The following RGS6 variants were observed in gnomAD, a reference collection of about 807,000 sequenced individuals.
The protein encoded by RGS6 is regulator of G-protein signaling 6.
Under a neutral mutation model 78.5 loss-of-function variants are expected in RGS6, and 30 were observed. The ratio of observed to expected loss-of-function variants is 0.38; its 90% CI spans 0.29 to 0.52. The LOEUF is 0.52. Among genes scored for constraint, RGS6 ranks in the 20% least tolerant of loss-of-function variants. RGS6 has a pLI of 0.85. For synonymous variants in RGS6, 206 were observed against 206.0 expected (o/e 1.00, Z 0.00); for missense variants, 495 against 609.7 (o/e 0.81, Z 1.98).
chr14:72,147,950 T>G (rs1171090082), intron 2 of RGS6, among the ~76,000 whole-genome samples: 2 of 151,914 alleles, frequency 1.3e-5, no homozygotes, highest in Non-Finnish European at 2.9e-5. Flanking sequence ...GCTAACATGG[T>G]GAAACCCCAT....
intron 3 of RGS6, among the ~76,000 whole-genome samples, chr14:72,451,112 G>A (rs974030638): frequency 3.3e-5 from 5 of 152,168 alleles, no homozygotes; most frequent in Non-Finnish European, 7.3e-5. Flanking sequence ...ACCAAGCATT[G>A]CCATGGCATG....
At chr14:72,590,883 G>T in the RGS6 span, among the ~76,000 whole-genome samples, 18 of 152,202 alleles carry the variant, frequency 1.2e-4, no homozygotes, top group Non-Finnish European at 2.2e-4. Flanking sequence ...ATCAGGACTG[G>T]GGAAGGGAGA....
At chr14:72,265,467 G>T (rs1287313723) in intron 2 of RGS6, among the ~76,000 whole-genome samples, 1 of 152,182 alleles carries the variant, frequency 6.6e-6, no homozygotes, top group Admixed American at 6.5e-5. Flanking sequence ...GGGAACCACA[G>T]ACAGGCTGTA....
chr14:71,959,858 C>A lies in RGS6; in HGVS notation c.-20-4914C>A, dbSNP rs147764219. Among the ~76,000 whole-genome samples the A allele has an allele frequency of 1.3e-3, 197 of 152,242 alleles. 1 individual carries two copies. The highest frequency in any genetic ancestry group is 4.3e-3 in the African/African-American group (179 of 41,552). On this transcript the variant is annotated intron_variant, in intron 1 of 17. Transcript: ENST00000553525. ...TCTTCCCTCTTCAAAAGCAACCCTG[C>A]GTGATGGAGGGGTCTCATCTTCCAG... is the stretch of plus-strand genomic sequence containing the variant.
the RGS6 span, among the ~76,000 whole-genome samples, chr14:71,919,051 G>C: frequency 2.0e-5 from 3 of 151,782 alleles, no homozygotes; most frequent in Admixed American, 2.0e-4. Context: ...CCCAGTGCTT[G>C]GGTAAACAGA....
At chr14:72,174,083 T>G (rs1294954003) in intron 2 of RGS6, among the ~76,000 whole-genome samples, 1 of 151,018 alleles carries the variant, frequency 6.6e-6, no homozygotes, top group Non-Finnish European at 1.5e-5. Flanking sequence ...GCTCCTGCAC[T>G]CCTGTGCTTT....
At chr14:72,361,908 C>T (rs1489707405) in intron 3 of RGS6, among the ~76,000 whole-genome samples, 2 of 151,984 alleles carry the variant, frequency 1.3e-5, no homozygotes, top group African/African-American at 2.4e-5. Context: ...ACCTGTAAAC[C>T]CCATGGTATA....
At chr14:72,396,890 T>G (rs917410276) in intron 3 of RGS6, among the ~76,000 whole-genome samples, 1 of 152,224 alleles carries the variant, frequency 6.6e-6, no homozygotes, top group African/African-American at 2.4e-5. Flanking sequence ...CTCTGTCCTT[T>G]TCCATTGGTC....
intron 2 of RGS6, among the ~76,000 whole-genome samples, chr14:72,090,653 G>A (rs1345205526): frequency 6.6e-6 from 1 of 152,196 alleles, no homozygotes; most frequent in Non-Finnish European, 1.5e-5. Context: ...AAAAAGGTTG[G>A]AGACTGCTTC....
At chr14:72,137,336 C>A (rs777003678) in intron 2 of RGS6, among the ~76,000 whole-genome samples, 1 of 152,180 alleles carries the variant, frequency 6.6e-6, no homozygotes, top group Non-Finnish European at 1.5e-5. Flanking sequence ...TTTTTCTATT[C>A]TCACCCGCCA....
intron 2 of RGS6, among the ~76,000 whole-genome samples, chr14:72,246,905 CAAA>C (rs10534194): frequency 0.49 from 71,030 of 145,106 alleles, 17,954 homozygotes; most frequent in African/African-American, 0.65. Context: ...GACTCCATCT[CAAA>C]AAAAAAAAAA....
At chr14:72,196,479 G>C (rs2040186240) in intron 2 of RGS6, among the ~76,000 whole-genome samples, 1 of 152,154 alleles carries the variant, frequency 6.6e-6, no homozygotes, top group Non-Finnish European at 1.5e-5. Context: ...TGGGGACCTA[G>C]AATCACTGCT....
intron 2 of RGS6, among the ~76,000 whole-genome samples, chr14:72,178,016 A>T (rs147156891): frequency 6.6e-6 from 1 of 152,210 alleles, no homozygotes; most frequent in East Asian, 1.9e-4. Context: ...ACCTTCTCCC[A>T]TAGGTGCTAG....
At chr14:72,194,363 A>G (rs188897524) in intron 2 of RGS6, among the ~76,000 whole-genome samples, 1 of 152,246 alleles carries the variant, frequency 6.6e-6, no homozygotes, top group African/African-American at 2.4e-5. Context: ...CTTACACTTT[A>G]TTATTTTATT....
At chr14:72,283,304 C>T (rs2061905938) in intron 2 of RGS6, among the ~76,000 whole-genome samples, 1 of 152,148 alleles carries the variant, frequency 6.6e-6, no homozygotes, top group Non-Finnish European at 1.5e-5. Context: ...AGTGGGATCA[C>T]TGGATCATAT....
chr14:72,430,911 A>G (rs949419346), intron 3 of RGS6, among the ~76,000 whole-genome samples: 7 of 152,136 alleles, frequency 4.6e-5, no homozygotes, highest in Non-Finnish European at 1.0e-4. Flanking sequence ...TTAATCCAGG[A>G]AACATTCCTT....
chr14:72,202,050 C>T (rs1286552418), intron 2 of RGS6, among the ~76,000 whole-genome samples: 3 of 152,202 alleles, frequency 2.0e-5, no homozygotes, highest in Admixed American at 2.0e-4. Context: ...TAAATCTAGA[C>T]ACATTTGGAT....
intron 13 of RGS6, among the ~76,000 whole-genome samples, chr14:72,507,004 A>G (rs1290757610): frequency 8.1e-6 from 1 of 122,862 alleles, no homozygotes; most frequent in Non-Finnish European, 1.6e-5. Context: ...AAAAAAAAAA[A>G]AAAAAAAAAA....
rs552057931 is a variant in RGS6, at chr14:72,308,067, T to C, written c.85-44028T>C. On this transcript the variant is annotated intron_variant, in intron 2 of 17. Coordinates refer to ENST00000553525, the MANE Select transcript of RGS6 (RefSeq NM_001204424.2). ...TCCCCCAGCCATCTAATTAAATGTT[T>C]TATTATTCTAATTTTCCAGGTGTAC... Among the ~76,000 whole-genome samples the C allele has an allele frequency of 3.0e-4, 46 of 152,338 alleles. No individual in the cohort carries two copies. The South Asian group carries it at 9.1e-3, about 30-fold the overall frequency.
Sources: gnomAD v4.1 joint callset for allele counts (sites outside exome capture counted in the v4.1 genomes callset) on GRCh38, gnomAD v4.1.1 for gene constraint, MANE v1.5 for transcripts, NCBI Gene and HGNC (gene_info 2026-07-23, HGNC 2026-07-21) for gene names.